SERPINE2: variants seen among roughly 807,000 people sequenced by gnomAD.
SERPINE2 encodes the protein serpin family E member 2.
A neutral mutation model predicts 36.3 loss-of-function variants in SERPINE2; 14 were observed. The observed-to-expected ratio is 0.39, with a 90% confidence interval of 0.25 to 0.60. The LOEUF (loss-of-function observed/expected upper bound fraction) is 0.60. Ranked by LOEUF, SERPINE2 falls within the 20% of genes least tolerant of loss-of-function variation. The probability of loss-of-function intolerance (pLI) is 0.57; values close to 1 mark genes in which losing one functional copy is unlikely to be tolerated. For synonymous variants in SERPINE2, 192 were observed against 191.8 expected, an observed-to-expected ratio of 1.00 and a Z score of -0.01; for missense variants, 418 against 499.6, an observed-to-expected ratio of 0.84 and a Z score of 1.56.
intron 3 of SERPINE2, among the ~76,000 whole-genome samples, chr2:223,996,595 A>T (rs538060723): frequency 6.6e-6 from 1 of 152,042 alleles, no homozygotes; most frequent in East Asian, 1.9e-4. Context: ...GTTGCCAGCC[A>T]CTCCCTCGGC....
chr2:224,023,111 G>T (rs1234126562), intron 1 of SERPINE2, among the ~76,000 whole-genome samples: 2 of 152,210 alleles, frequency 1.3e-5, no homozygotes, highest in African/African-American at 4.8e-5. Context: ...AGCAAGGTGA[G>T]AACAGACTAA....
At chr2:223,986,118 G>A (rs975679849) in intron 4 of SERPINE2, among the ~76,000 whole-genome samples, 6 of 152,162 alleles carry the variant, frequency 3.9e-5, no homozygotes, top group Non-Finnish European at 8.8e-5. Flanking sequence ...ATGGACAGAG[G>A]GAGAGATGAA....
At chr2:223,981,591 T>C (rs1219737927) in intron 6 of SERPINE2, 1 of 152,214 alleles carries the variant, frequency 6.6e-6, no homozygotes, top group East Asian at 1.9e-4. Flanking sequence ...ACTAGGTGTT[T>C]ACTAGCATGC....
At chr2:224,008,731 A>C (rs567000342) in intron 1 of SERPINE2, among the ~76,000 whole-genome samples, 1 of 152,358 alleles carries the variant, frequency 6.6e-6, no homozygotes, top group African/African-American at 2.4e-5. Context: ...AGTAGCACTG[A>C]GCACCCTTAT....
At chr2:224,006,615 T>TAG (rs1691434588) in intron 1 of SERPINE2, among the ~76,000 whole-genome samples, 3 of 152,330 alleles carry the variant, frequency 2.0e-5, no homozygotes, top group Admixed American at 2.0e-4. Context: ...GCAGGGACTG[T>TAG]AGACTCCTGG....
At chr2:223,997,212 TTTTG>T (rs60080449) in intron 3 of SERPINE2, among the ~76,000 whole-genome samples, 3 of 150,334 alleles carry the variant, frequency 2.0e-5, no homozygotes, top group Non-Finnish European at 4.4e-5. Flanking sequence ...TTTTTTGTTT[TTTTG>T]TTTCTTTTTG....
chr2:224,029,381 TA>T (rs11332635), intron 1 of SERPINE2, among the ~76,000 whole-genome samples: 99,204 of 151,990 alleles, frequency 0.65, 32,528 homozygotes, highest in South Asian at 0.71. Flanking sequence ...GTAAAATCCT[TA>T]AAAAAATCCT....
chr2:224,000,355 G>C (rs914281766), intron 2 of SERPINE2, among the ~76,000 whole-genome samples: 1 of 152,186 alleles, frequency 6.6e-6, no homozygotes, highest in Non-Finnish European at 1.5e-5. Context: ...ACATGGCTCT[G>C]GGCAAGACCC....
chr2:224,004,470 C>G (rs773880414), intron 1 of SERPINE2, among the ~76,000 whole-genome samples: 1 of 152,322 alleles, frequency 6.6e-6, no homozygotes, highest in South Asian at 2.1e-4. Flanking sequence ...ACGCTGCTCC[C>G]GCTTGGGCTC....
At chr2:223,997,084 TTAAAAA>T (rs1690918727) in intron 3 of SERPINE2, among the ~76,000 whole-genome samples, 1 of 151,900 alleles carries the variant, frequency 6.6e-6, no homozygotes. Flanking sequence ...CTCCAAAAAA[TTAAAAA>T]TAAAAAAAAG....
At chr2:224,019,216 A>G (rs1437518677) in intron 1 of SERPINE2, among the ~76,000 whole-genome samples, 1 of 152,118 alleles carries the variant, frequency 6.6e-6, no homozygotes, top group Non-Finnish European at 1.5e-5. Context: ...TAAATTAGGC[A>G]TAGTAAGAGA....
intron 1 of SERPINE2, among the ~76,000 whole-genome samples, chr2:224,005,079 A>ATATATATATATATATATT (rs1691364636): frequency 2.3e-5 from 1 of 43,590 alleles, no homozygotes; most frequent in Admixed American, 3.3e-4. Context: ...ATATATATAT[A>ATATATATATATATATATT]TATATATATA....
rs41461247 is a variant in SERPINE2 at position 224,035,946 on chromosome 2, C to T, written c.-23+3153G>A. The stretch of plus-strand genomic sequence containing the variant: ...GGGCAGTGCGGGAGCCTGGCATCAC[C>T]GTGAGACCCCTGCTCCAACATCTCC... On this transcript the variant is annotated intron_variant, in intron 1 of 8. Coordinates refer to ENST00000409304, the MANE Select transcript of SERPINE2 (RefSeq NM_001136528.2). Among the ~76,000 whole-genome samples, 755 of 152,204 alleles carry T rather than the reference C, an allele frequency of 5.0e-3. 4 individuals carry two copies. Among genetic ancestry groups the T allele is most frequent in the Non-Finnish European group, 8.6e-3 (584 of 68,012 alleles).
At chr2:224,036,454 G>A (rs1692539154) in intron 1 of SERPINE2, among the ~76,000 whole-genome samples, 1 of 151,256 alleles carries the variant, frequency 6.6e-6, no homozygotes. Context: ...ACACAGGGAG[G>A]GAAACATCAC....
Position 224,039,237 on chromosome 2 carries a change from G to C in SERPINE2, c.-161C>G, listed in dbSNP as rs1040026627. ...CGAGGAGGGTCACAGCCGGAAAGAG[G>C]CAGCGGTGGCGCCTGCAGACGCCGC... On this transcript the variant is annotated 5_prime_UTR_variant, in exon 1 of 9. Transcript: ENST00000409304. This position sits in a 1 kb window ranked among gnomAD's most constrained non-coding sequence, Gnocchi z 5.2. The C allele has an allele frequency of 6.6e-6, 1 of 150,814 alleles. No homozygotes were observed. The highest frequency in any genetic ancestry group is 1.9e-4 in the East Asian group (1 of 5,172). The allele number at this position is 150,814 out of a possible 1,614,324, so 9.3% of individuals were successfully genotyped here. A position where few individuals can be genotyped will look rare whatever the true frequency, so the allele number is the denominator to read the frequency against.
In SERPINE2 at chr2:224,039,259, C is replaced by T. The variant is rs889976775; in HGVS notation, c.-183G>A. ...GAGGCAGCGGTGGCGCCTGCAGACG[C>T]CGCGCAGCCCGGGCAGCCCCACAGC... On this transcript the variant is annotated 5_prime_UTR_variant, in exon 1 of 9. Transcript: ENST00000409304. The surrounding 1 kb of genome is among the most constrained non-coding windows in gnomAD (Gnocchi z 5.2). 2 of 150,508 alleles carry T rather than the reference C, an allele frequency of 1.3e-5. No homozygotes were observed. Among genetic ancestry groups the T allele is most frequent in the Non-Finnish European group, 3.0e-5 (2 of 67,412 alleles). The allele number at this position is 150,508 out of a possible 1,614,324, so 9.3% of individuals were successfully genotyped here. A position where few individuals can be genotyped will look rare whatever the true frequency, so the allele number is the denominator to read the frequency against.
At chr2:224,022,809 C>T (rs1027991452) in intron 1 of SERPINE2, among the ~76,000 whole-genome samples, 1 of 152,182 alleles carries the variant, frequency 6.6e-6, no homozygotes, top group Non-Finnish European at 1.5e-5. Context: ...TCCATAATCC[C>T]CCTGTGCCAA....
intron 1 of SERPINE2, 87 bp from the exon 2 acceptor site, chr2:224,002,009 T>C: frequency 8.1e-7 from 1 of 1,240,460 alleles, no homozygotes; most frequent in Non-Finnish European, 1.1e-6. Flanking sequence ...TAGAGACTCG[T>C]TCTTTCACCC....
At chr2:223,989,718 G>C (rs1361656225) in intron 4 of SERPINE2, among the ~76,000 whole-genome samples, 1 of 152,214 alleles carries the variant, frequency 6.6e-6, no homozygotes, top group African/African-American at 2.4e-5. Flanking sequence ...ATGGAAAGGA[G>C]GGTGAGAAGG....
Sources: allele counts gnomAD v4.1 joint callset (sites outside exome capture counted in the v4.1 genomes callset), GRCh38; gene constraint gnomAD v4.1.1; non-coding constraint Gnocchi (gnomAD v3.1); transcripts MANE v1.5; gene names NCBI Gene and HGNC (gene_info 2026-07-23, HGNC 2026-07-21).